The following ATP9A variants were observed in gnomAD, a reference collection of about 807,000 sequenced individuals.
The protein encoded by ATP9A is probable phospholipid-transporting ATPase IIA.
A neutral mutation model predicts 144.1 loss-of-function variants in ATP9A; 52 were observed. That is an observed-to-expected ratio of 0.36 (90% CI 0.29 to 0.45). ATP9A has a LOEUF of 0.45. Among genes scored for constraint, ATP9A ranks in the 20% least tolerant of loss-of-function variants. The pLI is 1.00. For synonymous variants in ATP9A, 582 were observed against 557.4 expected (o/e 1.04, Z -0.62); for missense variants, 947 against 1,392.7 (o/e 0.68, Z 5.09).
intron 9 of ATP9A, among the ~76,000 whole-genome samples, chr20:51,685,968 A>G (rs2077521208): frequency 6.6e-6 from 1 of 152,216 alleles, no homozygotes; most frequent in African/African-American, 2.4e-5. Flanking sequence ...AACCAACCCA[A>G]ATGTCCATCA....
chr20:51,760,628 G>A (rs985675531), intron 1 of ATP9A, among the ~76,000 whole-genome samples: 3 of 151,822 alleles, frequency 2.0e-5, no homozygotes, highest in Admixed American at 6.6e-5. Flanking sequence ...TTGGGAGGCT[G>A]AGGCAGGAGA....
chr20:51,636,142 A>G (rs966701436), intron 15 of ATP9A, among the ~76,000 whole-genome samples: 14 of 152,206 alleles, frequency 9.2e-5, no homozygotes, highest in Admixed American at 5.9e-4. Flanking sequence ...ATAAAAGTAA[A>G]TAAGACTTGC....
intron 22 of ATP9A, among the ~76,000 whole-genome samples, chr20:51,614,700 C>T (rs1312531946): frequency 1.3e-5 from 2 of 152,122 alleles, no homozygotes; most frequent in South Asian, 2.1e-4. Flanking sequence ...ACCAATTCCC[C>T]TTGTACAGTG....
chr20:51,744,132 C>T (rs6091361), intron 1 of ATP9A, among the ~76,000 whole-genome samples: 4 of 152,060 alleles, frequency 2.6e-5, no homozygotes, highest in African/African-American at 9.7e-5. Flanking sequence ...ACACTGCTTC[C>T]TGCTTAGACC....
At chr20:51,658,337 CCAG>C (rs2077395736) in intron 13 of ATP9A, among the ~76,000 whole-genome samples, 1 of 151,896 alleles carries the variant, frequency 6.6e-6, no homozygotes, top group Non-Finnish European at 1.5e-5. Context: ...CACTGTAATC[CCAG>C]CTACTCGGGA....
chr20:51,602,921 C>A (rs1487382392), intron 27 of ATP9A, among the ~76,000 whole-genome samples: 1 of 152,170 alleles, frequency 6.6e-6, no homozygotes, highest in Non-Finnish European at 1.5e-5. Flanking sequence ...TTTGTTCACA[C>A]CCCACCAAAG....
chr20:51,635,790 A>AGGAGGG (rs2077288487), intron 15 of ATP9A, among the ~76,000 whole-genome samples: 1 of 131,852 alleles, frequency 7.6e-6, no homozygotes, highest in East Asian at 2.4e-4. Flanking sequence ...GGAAGGAAAC[A>AGGAGGG]GAGGAGGGGA....
At chr20:51,660,952 T>C (rs2077408085) in intron 13 of ATP9A, among the ~76,000 whole-genome samples, 1 of 152,110 alleles carries the variant, frequency 6.6e-6, no homozygotes, top group Admixed American at 6.5e-5. Flanking sequence ...GGTCCCCTTA[T>C]GGAGGGAGGG....
intron 1 of ATP9A, chr20:51,735,167 G>T (rs952422652): frequency 6.5e-6 from 1 of 152,990 alleles, no homozygotes; most frequent in Admixed American, 6.5e-5. Context: ...GTACAAATAA[G>T]CCTGAGGCAG....
At chr20:51,712,229 T>A (rs559261841) in intron 4 of ATP9A, among the ~76,000 whole-genome samples, 1 of 151,986 alleles carries the variant, frequency 6.6e-6, no homozygotes, top group Admixed American at 6.6e-5. Flanking sequence ...CCCGCCACCA[T>A]GCCCGGCTAA....
chr20:51,605,997 C>T (rs373964665), intron 26 of ATP9A, among the ~76,000 whole-genome samples: 11 of 151,886 alleles, frequency 7.2e-5, no homozygotes, highest in Non-Finnish European at 1.5e-4. Flanking sequence ...CAGCCAGTCG[C>T]GGTGGCTTAC....
At chr20:51,716,009 C>G (rs1346409993) in intron 3 of ATP9A, among the ~76,000 whole-genome samples, 1 of 144,806 alleles carries the variant, frequency 6.9e-6, no homozygotes, top group Admixed American at 7.1e-5. Context: ...ATCAGAAAAG[C>G]AGTTGCCTGG....
chr20:51,665,102 A>AC (rs2077427150), intron 13 of ATP9A, among the ~76,000 whole-genome samples: 1 of 66,754 alleles, frequency 1.5e-5, no homozygotes, highest in Non-Finnish European at 4.2e-5. Context: ...ACCTGCTACA[A>AC]CCGGAAGAAC....
Position 51,671,215 on chromosome 20 carries a change from CCAGCTGTA to C in ATP9A, c.1072_1079del (p.Tyr358GlyfsTer20). 1 of 1,614,140 alleles carries C rather than the reference CCAGCTGTA, an allele frequency of 6.2e-7. No individual in the cohort carries two copies. ...GGATTTTCGAGTCCCTTCGAATCACCCAGCTGTACACGATCTTGCCCATGTCCAGGTTC... is the reference window on the plus strand; with the variant it reads ...GGATTTTCGAGTCCCTTCGAATCACCCACGATCTTGCCCATGTCCAGGTTC... On this transcript the variant is annotated frameshift_variant, in exon 12 of 28. Transcript: ENST00000338821. LOFTEE classifies it high-confidence loss of function.
At chr20:51,675,753 G>A (rs932938802) in intron 10 of ATP9A, among the ~76,000 whole-genome samples, 4 of 152,026 alleles carry the variant, frequency 2.6e-5, no homozygotes, top group African/African-American at 7.2e-5. Flanking sequence ...GGTGGTACAC[G>A]CCTATAGTCC....
chr20:51,676,639 C>T lies in ATP9A; in HGVS notation c.800-431G>A, dbSNP rs566013941. ...GATTACAGGCACCTGCCACCACACC[C>T]GGCTAATTTTTGTATTTTTAGTAGA... On this transcript the variant is annotated intron_variant, in intron 9 of 27. Coordinates refer to ENST00000338821, the MANE Select transcript of ATP9A (RefSeq NM_006045.3). Among the ~76,000 whole-genome samples, 25 of 152,252 alleles carry T rather than the reference C, an allele frequency of 1.6e-4. 1 individual carries two copies. The highest frequency in any genetic ancestry group is 5.8e-4 in the African/African-American group (24 of 41,550).
intron 3 of ATP9A, among the ~76,000 whole-genome samples, chr20:51,717,685 G>A (rs969758603): frequency 5.9e-5 from 9 of 152,144 alleles, no homozygotes; most frequent in Admixed American, 6.6e-5. Context: ...GCCGAGTGTG[G>A]TGGCTCATTC....
chr20:51,620,641 G>A (rs1332955551), intron 19 of ATP9A, among the ~76,000 whole-genome samples: 1 of 152,046 alleles, frequency 6.6e-6, no homozygotes, highest in Non-Finnish European at 1.5e-5. Context: ...ATGTTGGGAA[G>A]TTCAAGTTCC....
chr20:51,691,036 T>C (rs1437117126), intron 7 of ATP9A, among the ~76,000 whole-genome samples: 2 of 152,156 alleles, frequency 1.3e-5, no homozygotes, highest in Non-Finnish European at 2.9e-5. Context: ...GACTCTACAG[T>C]GAAGACCCTC....
Sources: gnomAD v4.1 joint callset for allele counts (sites outside exome capture counted in the v4.1 genomes callset) on GRCh38, gnomAD v4.1.1 for gene constraint, MANE v1.5 for transcripts, NCBI Gene and HGNC (gene_info 2026-07-23, HGNC 2026-07-21) for gene names.